Variants in FASLG observed in about 807,000 individuals in gnomAD.
FASLG encodes Fas ligand.
A neutral mutation model predicts 24.6 loss-of-function variants in FASLG; 9 were observed. The observed-to-expected ratio is 0.37, with a 90% CI of 0.22 to 0.64. The LOEUF is 0.64. Among genes scored for constraint, FASLG ranks in the 30% least tolerant of loss-of-function variants. FASLG has a pLI of 0.64. For missense variants in FASLG, 306 were observed against 345.3 expected (o/e 0.89, Z 0.90); for synonymous variants, 130 against 135.5 (o/e 0.96, Z 0.28).
Position 172,659,356 on chromosome 1 carries a change from C to CACCACT in FASLG, c.161_166dup (p.Leu54_Pro55dup). 6.2e-7 allele frequency: 1 copy of CACCACT among 1,611,922 alleles called. No individual in the cohort carries two copies. Among genetic ancestry groups the CACCACT allele is most frequent in the Non-Finnish European group, 8.5e-7 (1 of 1,179,190 alleles). On this transcript the variant is annotated inframe_insertion, in exon 1 of 4. Transcript: ENST00000367721. Reference sequence around the variant, plus strand: ...AGGCCACCACCACCACCGCCACCGCCACCACTACCACCTCCGCCGCCGCCG... The same window carrying CACCACT: ...AGGCCACCACCACCACCGCCACCGCCACCACTACCACTACCACCTCCGCCGCCGCCG...
At chr1:172,662,572 G>T (rs555981439) in intron 2 of FASLG, among the ~76,000 whole-genome samples, 1 of 151,586 alleles carries the variant, frequency 6.6e-6, no homozygotes, top group African/African-American at 2.4e-5. Context: ...TGTTGTTTAC[G>T]CTAACACCTT....
rs1659263704 is a variant in FASLG, at chr1:172,666,311, A to C, written c.*295A>C. The C allele has an allele frequency of 2.9e-5, 12 of 410,420 alleles. No homozygotes were observed. The South Asian group carries it at 3.5e-4, about 12-fold the overall frequency. The allele number at this position is 410,420 out of a possible 1,614,324, so 25.4% of individuals were successfully genotyped here. A position where few individuals can be genotyped will look rare whatever the true frequency, so the allele number is the denominator to read the frequency against. Reference sequence around the variant, plus strand: ...TTCTACACTCATCTTAGTGCCTGAGAGTATTTAGGCAGATTGAAAAGGACA... The same window carrying C: ...TTCTACACTCATCTTAGTGCCTGAGCGTATTTAGGCAGATTGAAAAGGACA... On this transcript the variant is annotated 3_prime_UTR_variant, in exon 4 of 4. Transcript: ENST00000367721.
chr1:172,661,206 G>A lies in FASLG; in HGVS notation c.394+1066G>A, dbSNP rs116503792. On this transcript the variant is annotated intron_variant, in intron 2 of 3. Transcript: ENST00000367721. ...ATGAAAAGCAGGATACCTCTGCAAA[G>A]ACTATAGGTAGATCTCATCCTTAGA... 2.4e-3 allele frequency among the ~76,000 whole-genome samples: 370 copies of A among 152,312 alleles called. 1 individual carries two copies. The highest frequency in any genetic ancestry group is 8.7e-3 in the African/African-American group (361 of 41,576).
At chr1:172,660,211 G>A in intron 2 of FASLG, 71 bp downstream of exon 2, 1 of 1,470,362 alleles carries the variant, frequency 6.8e-7, no homozygotes, top group South Asian at 1.1e-5. Flanking sequence ...TTAATGGAAT[G>A]CCTTAAATTC....
Position 172,666,090 on chromosome 1 carries a change from C to T in FASLG, c.*74C>T, listed in dbSNP as rs912778473. ...CGAGAATGTTGTATTCAGTGAGGGT[C>T]TTCTTACATGCATTTGAGGTCAAGT... is the stretch of plus-strand genomic sequence containing the variant. On this transcript the variant is annotated 3_prime_UTR_variant, in exon 4 of 4. Coordinates refer to ENST00000367721, the MANE Select transcript of FASLG (RefSeq NM_000639.3). 1 of 1,572,670 alleles carries T rather than the reference C, an allele frequency of 6.4e-7. No homozygotes were observed. Among genetic ancestry groups the T allele is most frequent in the African/African-American group, 1.4e-5 (1 of 73,838 alleles).
intron 2 of FASLG, among the ~76,000 whole-genome samples, chr1:172,661,269 T>C (rs959647348): frequency 6.6e-6 from 1 of 152,208 alleles, no homozygotes; most frequent in African/African-American, 2.4e-5. Context: ...TGGCCATCTA[T>C]TAAGTGAAGC....
chr1:172,664,304 A>G, intron 2 of FASLG, 30 bp from the exon 3 acceptor site: 1 of 1,607,484 alleles, frequency 6.2e-7, no homozygotes, highest in Non-Finnish European at 8.5e-7. Flanking sequence ...TTTCATTTTA[A>G]CATATATTTT....
chr1:172,661,881 A>T (rs764244745), intron 2 of FASLG, among the ~76,000 whole-genome samples: 3 of 152,182 alleles, frequency 2.0e-5, no homozygotes, highest in Non-Finnish European at 2.9e-5. Flanking sequence ...CTTTAGAAAT[A>T]CATAGCAAAA....
At chr1:172,665,570 TG>T in intron 3 of FASLG, 51 bp from the exon 4 acceptor site, 1 of 1,599,382 alleles carries the variant, frequency 6.3e-7, no homozygotes, top group Non-Finnish European at 8.5e-7. Flanking sequence ...AAACTTAGTT[TG>T]TTGGATGCAT....
Position 172,666,665 on chromosome 1 carries a change from T to A in FASLG, c.*649T>A, listed in dbSNP as rs1659277620. 6.6e-6 allele frequency: 1 copy of A among 152,442 alleles called. No individual in the cohort carries two copies. Among genetic ancestry groups the A allele is most frequent in the African/African-American group, 2.4e-5 (1 of 41,206 alleles). 9.4% of individuals were successfully genotyped at this position (152,442 alleles called of 1,614,324 possible). A position where few individuals can be genotyped will look rare whatever the true frequency, so the allele number is the denominator to read the frequency against. On this transcript the variant is annotated 3_prime_UTR_variant, in exon 4 of 4. Coordinates refer to ENST00000367721, the MANE Select transcript of FASLG (RefSeq NM_000639.3). ...TGTGTGTGTATGACTAAAGAGAGAA[T>A]GTAGATATTGTGAAGTACATATTAG...
intron 2 of FASLG, among the ~76,000 whole-genome samples, chr1:172,661,533 A>G (rs1659141006): frequency 6.6e-6 from 1 of 152,222 alleles, no homozygotes; most frequent in Non-Finnish European, 1.5e-5. Context: ...TCTGATAGGT[A>G]TCTAATTATT....
Position 172,666,017 on chromosome 1 carries a change from G to T in FASLG, c.*1G>T. The T allele has an allele frequency of 6.2e-7, 1 of 1,614,072 alleles. No homozygotes were observed. Among genetic ancestry groups the T allele is most frequent in the African/African-American group, 1.3e-5 (1 of 75,032 alleles). ...GTTTTTCGGCTTATATAAGCTCTAA[G>T]AGAAGCACTTTGGGATTCTTTCCAT... On this transcript the variant is annotated 3_prime_UTR_variant, in exon 4 of 4. Coordinates refer to ENST00000367721, the MANE Select transcript of FASLG (RefSeq NM_000639.3).
Position 172,659,410 on chromosome 1 carries a change from C to T in FASLG, c.209C>T (p.Pro70Leu). Residue 70 changes from proline (P) to leucine (L), a missense_variant, in exon 1 of 4, where the codon CCC becomes CTC. Transcript: ENST00000367721. ...CCACTGCCTCCACTACCGCTGCCAC[C>T]CCTGAAGAAGAGAGGGAACCACAGC... ...PPPLPPLPLP[P>L]LKKRGNHSTG... 6.2e-7 allele frequency: 1 copy of T among 1,613,306 alleles called. No individual in the cohort carries two copies. The highest frequency in any genetic ancestry group is 1.3e-5 in the African/African-American group (1 of 75,034).
chr1:172,663,341 C>T (rs1238195492), intron 2 of FASLG, among the ~76,000 whole-genome samples: 1 of 152,004 alleles, frequency 6.6e-6, no homozygotes, highest in Non-Finnish European at 1.5e-5. Context: ...GTAGTTACCC[C>T]AGAGACAAGA....
chr1:172,661,164 C>T (rs1338977647), intron 2 of FASLG, among the ~76,000 whole-genome samples: 1 of 152,102 alleles, frequency 6.6e-6, no homozygotes, highest in East Asian at 1.9e-4. Flanking sequence ...CTGTAGTGAG[C>T]ATGGAATAAG....
At chr1:172,664,487 A>G in intron 3 of FASLG, 97 bp downstream of exon 3, 1 of 1,185,128 alleles carries the variant, frequency 8.4e-7, no homozygotes. Flanking sequence ...GAGAGTTGTT[A>G]CTTCCTGGAG....
chr1:172,659,867 G>A (rs56347310), intron 1 of FASLG, among the ~76,000 whole-genome samples: 3 of 152,050 alleles, frequency 2.0e-5, no homozygotes, highest in African/African-American at 4.8e-5. Flanking sequence ...AGTTTTGCTT[G>A]GAAGTAAATT....
rs780397117 is a variant in FASLG at position 172,659,229 on chromosome 1, C to T, written c.28C>T (p.Pro10Ser). Residue 10 changes from proline (P) to serine (S), a missense_variant, in exon 1 of 4, where the codon CCC (proline) becomes TCC (serine). Coordinates refer to ENST00000367721, the MANE Select transcript of FASLG (RefSeq NM_000639.3). ...GCAGCAGCCCTTCAATTACCCATAT[C>T]CCCAGATCTACTGGGTGGACAGCAG... MQQPFNYPY[P>S]QIYWVDSSAS... The T allele has an allele frequency of 6.2e-7, 1 of 1,614,178 alleles. No individual in the cohort carries two copies. Among genetic ancestry groups the T allele is most frequent in the East Asian group, 2.2e-5 (1 of 44,880 alleles).
Position 172,666,100 on chromosome 1 carries a change from G to A in FASLG, c.*84G>A. Reference sequence around the variant, plus strand: ...GTATTCAGTGAGGGTCTTCTTACATGCATTTGAGGTCAAGTAAGAAGACAT... The same window carrying A: ...GTATTCAGTGAGGGTCTTCTTACATACATTTGAGGTCAAGTAAGAAGACAT... On this transcript the variant is annotated 3_prime_UTR_variant, in exon 4 of 4. Transcript: ENST00000367721. The A allele has an allele frequency of 1.9e-6, 3 of 1,544,072 alleles. No individual in the cohort carries two copies. Among genetic ancestry groups the A allele is most frequent in the South Asian group, 1.1e-5 (1 of 87,908 alleles).
Sources: allele counts gnomAD v4.1 joint callset (sites outside exome capture counted in the v4.1 genomes callset), GRCh38; gene constraint gnomAD v4.1.1; transcripts MANE v1.5; gene names NCBI Gene and HGNC (gene_info 2026-07-23, HGNC 2026-07-21).